Variants in DPP10 observed in about 807,000 individuals in gnomAD.
DPP10 encodes inactive dipeptidyl peptidase 10.
DPP10 carries 33 observed loss-of-function variants against 120.9 expected under a neutral mutation model. That is an observed-to-expected ratio of 0.27 (90% confidence interval 0.21 to 0.37). The LOEUF is 0.37. Among genes scored for constraint, DPP10 ranks in the 10% least tolerant of loss-of-function variants. The pLI is 1.00. For missense variants in DPP10, 816 were observed against 942.8 expected (o/e 0.87, Z 1.76); for synonymous variants, 337 against 326.1 (o/e 1.03, Z -0.36).
chr2:115,536,901 T>A (rs1287076289), intron 5 of DPP10, among the ~76,000 whole-genome samples: 1 of 151,938 alleles, frequency 6.6e-6, no homozygotes, highest in African/African-American at 2.4e-5. Context: ...TCTGGTAAAA[T>A]TACACTAGGA....
At position 115,337,718 on chromosome 2, in the gene DPP10, A is replaced by G. The variant is rs554233207; in HGVS notation, c.176-6099A>G. On this transcript the variant is annotated intron_variant, in intron 2 of 25. Transcript: ENST00000410059. ...AGGATAGAAGTTAGCCTTGGAGGCT[A>G]TTAAAAGAGAAGCTTAATTATTCAT... Among the ~76,000 whole-genome samples, 18 of 149,240 alleles carry G rather than the reference A, an allele frequency of 1.2e-4. No homozygotes were observed. In the South Asian group the frequency reaches 3.7e-3, roughly 31 times the overall value.
At position 114,609,457 on chromosome 2, in the gene DPP10, G is replaced by A. The variant is rs181895032; in HGVS notation, c.60+166619G>A. On this transcript the variant is annotated intron_variant, in intron 1 of 25. Transcript: ENST00000410059. ...TGGGAGGTGAGAAGCAGGGGGTGGG[G>A]TGGTCCCAGCGGTGCCTGTGTGAAG... Among the ~76,000 whole-genome samples, 924 of 152,206 alleles carry A rather than the reference G, an allele frequency of 6.1e-3. 9 individuals are homozygous for A. Among genetic ancestry groups the A allele is most frequent in the African/African-American group, 0.021 (885 of 41,534 alleles).
intron 1 of DPP10, among the ~76,000 whole-genome samples, chr2:114,503,301 T>C (rs1683357473): frequency 6.6e-6 from 1 of 152,208 alleles, no homozygotes; most frequent in Non-Finnish European, 1.5e-5. Flanking sequence ...TAGGGAGATG[T>C]TCACCTTAAA....
chr2:115,279,652 C>CTTTTTTTTTTTTTTTTTTTTTTTTT (rs1244784112), intron 1 of DPP10, among the ~76,000 whole-genome samples: 1 of 35,250 alleles, frequency 2.8e-5, no homozygotes, highest in African/African-American at 1.0e-4. Context: ...TTTTTTTCTT[C>CTTTTTTTTTTTTTTTTTTTTTTTTT]TTCTTTTTTT....
intron 5 of DPP10, among the ~76,000 whole-genome samples, chr2:115,644,476 T>G (rs142565115): frequency 6.6e-6 from 1 of 152,238 alleles, no homozygotes; most frequent in Non-Finnish European, 1.5e-5. Context: ...CTTAGTTTAC[T>G]TGTTCACTGA....
At chr2:115,552,097 T>C (rs551447806) in intron 5 of DPP10, among the ~76,000 whole-genome samples, 1 of 152,258 alleles carries the variant, frequency 6.6e-6, no homozygotes, top group South Asian at 2.1e-4. Context: ...GTTGCATTAG[T>C]TTTGTTTGCA....
intron 3 of DPP10, among the ~76,000 whole-genome samples, chr2:115,451,031 C>G (rs1053176210): frequency 1.3e-5 from 2 of 151,816 alleles, no homozygotes; most frequent in Non-Finnish European, 2.9e-5. Flanking sequence ...TAATTTGACA[C>G]AAATTACAAA....
In DPP10 at chr2:115,603,383, C is replaced by A. The variant is rs183751809; in HGVS notation, c.441+77411C>A. On this transcript the variant is annotated intron_variant, in intron 5 of 25. Transcript: ENST00000410059. Reference sequence around the variant, plus strand: ...CAAAACCCAACTCTAGTCTTCATGACAGTGGCAGTGACCAGGAAAATAGGA... The same window carrying A: ...CAAAACCCAACTCTAGTCTTCATGAAAGTGGCAGTGACCAGGAAAATAGGA... Among the ~76,000 whole-genome samples the A allele has an allele frequency of 3.4e-3, 432 of 128,900 alleles. 2 individuals carry two copies. The highest frequency in any genetic ancestry group is 0.012 in the African/African-American group (410 of 34,442). The allele number at this position is 128,900 out of a possible 152,430, so 84.6% of individuals were successfully genotyped here.
intron 1 of DPP10, among the ~76,000 whole-genome samples, chr2:114,519,109 G>A (rs1461640257): frequency 6.6e-6 from 1 of 152,158 alleles, no homozygotes; most frequent in African/African-American, 2.4e-5. Flanking sequence ...ATCATTCATT[G>A]ATAGGAATTG....
At chr2:115,137,062 A>T (rs1166906161) in intron 1 of DPP10, among the ~76,000 whole-genome samples, 1 of 152,116 alleles carries the variant, frequency 6.6e-6, no homozygotes, top group East Asian at 1.9e-4. Context: ...AGAGTAGTTA[A>T]CATGAAAGCC....
chr2:115,132,338 T>C (rs541995186), intron 1 of DPP10, among the ~76,000 whole-genome samples: 3 of 152,244 alleles, frequency 2.0e-5, no homozygotes, highest in Non-Finnish European at 4.4e-5. Context: ...TTACTTAATC[T>C]TTTCTAGATC....
intron 1 of DPP10, among the ~76,000 whole-genome samples, chr2:114,734,230 C>G (rs1411987451): frequency 6.6e-6 from 1 of 152,104 alleles, no homozygotes; most frequent in Non-Finnish European, 1.5e-5. Context: ...CTTCCCAGAT[C>G]CAAGAGATAA....
intron 1 of DPP10, among the ~76,000 whole-genome samples, chr2:114,782,322 CTGTGGAATATATATATATATA>C (rs1250311376): frequency 7.7e-6 from 1 of 129,154 alleles, no homozygotes; most frequent in East Asian, 2.0e-4. Flanking sequence ...CCAGTGAAAC[CTGTGGAATATATATATATATA>C]TATGGAATAT....
intron 7 of DPP10, among the ~76,000 whole-genome samples, chr2:115,715,274 G>T (rs984918596): frequency 2.1e-5 from 3 of 143,872 alleles, no homozygotes; most frequent in Non-Finnish European, 4.5e-5. Flanking sequence ...AGGAGGTGGC[G>T]GTTGCAATGA....
chr2:115,384,936 C>A (rs1010106579), intron 3 of DPP10, among the ~76,000 whole-genome samples: 4 of 152,184 alleles, frequency 2.6e-5, no homozygotes, highest in African/African-American at 9.7e-5. Context: ...TTCCCCCATA[C>A]TATTCTTGTG....
At chr2:115,762,111 A>G (rs757909101) in intron 11 of DPP10, among the ~76,000 whole-genome samples, 3 of 152,178 alleles carry the variant, frequency 2.0e-5, no homozygotes, top group Non-Finnish European at 2.9e-5. Flanking sequence ...GTTACTACTG[A>G]TAAGAAAAAA....
intron 1 of DPP10, among the ~76,000 whole-genome samples, chr2:114,836,823 C>G (rs765638126): frequency 2.6e-5 from 4 of 152,150 alleles, no homozygotes; most frequent in Non-Finnish European, 4.4e-5. Context: ...TAGAGACCCA[C>G]CTCAGTGATG....
At chr2:114,672,616 T>G (rs942596507) in intron 1 of DPP10, among the ~76,000 whole-genome samples, 1 of 152,212 alleles carries the variant, frequency 6.6e-6, no homozygotes, top group Non-Finnish European at 1.5e-5. Flanking sequence ...AGACTCAATT[T>G]GTAAGCTGCT....
chr2:114,726,234 TA>T (rs66544851), intron 1 of DPP10, among the ~76,000 whole-genome samples: 6,534 of 113,812 alleles, frequency 0.057, 149 homozygotes, highest in Middle Eastern at 0.12. Flanking sequence ...AGACTACGTC[TA>T]AAAAAAAAAA....
Sources: gnomAD v4.1 joint callset for allele counts (sites outside exome capture counted in the v4.1 genomes callset) on GRCh38, gnomAD v4.1.1 for gene constraint, MANE v1.5 for transcripts, NCBI Gene and HGNC (gene_info 2026-07-23, HGNC 2026-07-21) for gene names.